RMST: variants seen among roughly 807,000 people sequenced by gnomAD.
RMST encodes rhabdomyosarcoma 2 associated transcript.
In RMST at chr12:97,513,092, G is replaced by A. The variant is rs888065963; in HGVS notation, n.1340+17036G>A. ...TCGCGCAGGCCCGCAAGCACCGCGC[G>A]CAGCCCGGGTTCCCACCTGCGCCTC... On this transcript the variant is annotated intron_variant and non_coding_transcript_variant, in intron 10 of 13. Transcript: ENST00000640149. 3.9e-5 allele frequency among the ~76,000 whole-genome samples: 6 copies of A among 152,204 alleles called. No homozygotes were observed. In the East Asian group the frequency reaches 9.6e-4, roughly 24 times the overall value.
chr12:97,560,353 A>G (rs1884032323), intron 11 of RMST, among the ~76,000 whole-genome samples: 1 of 152,198 alleles, frequency 6.6e-6, no homozygotes, highest in African/African-American at 2.4e-5. Flanking sequence ...GATTCTATTT[A>G]TCTGTAGCTT....
At position 97,524,075 on chromosome 12, in the gene RMST, CAAAAA is replaced by C. The variant is rs537840796; in HGVS notation, n.1341-6556_1341-6552del. ...TGGGCAACAGAGTGAGACTCTGTCT[CAAAAA>C]AAAAAAAAAAAAAAAAAAAAAAATC... On this transcript the variant is annotated intron_variant and non_coding_transcript_variant, in intron 10 of 13. Coordinates refer to ENST00000640149, the Ensembl canonical transcript of RMST. 3.6e-3 allele frequency among the ~76,000 whole-genome samples: 201 copies of C among 56,116 alleles called. 8 individuals carry two copies. The highest frequency in any genetic ancestry group is 0.011 in the East Asian group (23 of 2,106). 36.8% of individuals were successfully genotyped at this position (56,116 alleles called of 152,430 possible). A position where few individuals can be genotyped will look rare whatever the true frequency, so the allele number is the denominator to read the frequency against.
intron 11 of RMST, among the ~76,000 whole-genome samples, chr12:97,552,473 C>G (rs1443301675): frequency 6.6e-6 from 1 of 152,148 alleles, no homozygotes; most frequent in East Asian, 1.9e-4. Flanking sequence ...TATCATTTCT[C>G]CCTTGATTGG....
chr12:97,520,280 C>T (rs776631931), intron 10 of RMST, among the ~76,000 whole-genome samples: 3 of 152,106 alleles, frequency 2.0e-5, no homozygotes, highest in African/African-American at 2.4e-5. Flanking sequence ...ACAAGTGTCG[C>T]AGTGGGGCTT....
chr12:97,492,752 T>G (rs1225713912), intron 6 of RMST: 1 of 152,194 alleles, frequency 6.6e-6, no homozygotes, highest in African/African-American at 2.4e-5. Flanking sequence ...TAACCCATTC[T>G]CTCTCCTAGG....
At chr12:97,563,263 G>A (rs758235630) in intron 13 of RMST, 1 of 157,192 alleles carries the variant, frequency 6.4e-6, no homozygotes, top group East Asian at 1.9e-4. Flanking sequence ...TAGGTGAGCA[G>A]TTAGCACATA....
At chr12:97,483,287 T>C (rs1875663963) in intron 5 of RMST, 1 of 152,150 alleles carries the variant, frequency 6.6e-6, no homozygotes, top group Non-Finnish European at 1.5e-5. Context: ...GGTAAGCATG[T>C]ATAGATAGGT....
At chr12:97,478,722 A>C (rs183528750) in intron 5 of RMST, among the ~76,000 whole-genome samples, 6 of 152,334 alleles carry the variant, frequency 3.9e-5, no homozygotes, top group Non-Finnish European at 7.4e-5. Context: ...ACAGGGCTTA[A>C]ATAGGAGTTA....
intron 11 of RMST, among the ~76,000 whole-genome samples, chr12:97,550,180 T>C (rs542079683): frequency 1.3e-5 from 2 of 152,122 alleles, no homozygotes; most frequent in African/African-American, 4.8e-5. Flanking sequence ...TCACCTGAGG[T>C]CGGGAGTTCG....
At chr12:97,495,402 G>A (rs2136461186) in intron 9 of RMST, among the ~76,000 whole-genome samples, 1 of 152,162 alleles carries the variant, frequency 6.6e-6, no homozygotes, top group East Asian at 1.9e-4. Context: ...AAAAAGCAAT[G>A]GCGAGATGAT....
chr12:97,511,280 C>G (rs901230150), intron 10 of RMST, among the ~76,000 whole-genome samples: 1 of 151,948 alleles, frequency 6.6e-6, no homozygotes, highest in African/African-American at 2.4e-5. Flanking sequence ...TCCCAAGTAG[C>G]TGGGACTACA....
intron 4 of RMST, among the ~76,000 whole-genome samples, chr12:97,464,441 T>C (rs1158606570): frequency 6.6e-6 from 1 of 152,226 alleles, no homozygotes; most frequent in Non-Finnish European, 1.5e-5. Context: ...TGATATATTG[T>C]TATGTAAATA....
chr12:97,552,446 T>A (rs888105282), intron 11 of RMST, among the ~76,000 whole-genome samples: 2 of 152,238 alleles, frequency 1.3e-5, no homozygotes, highest in Non-Finnish European at 2.9e-5. Context: ...GATTCCTAGT[T>A]TACCTTGGAG....
At chr12:97,555,346 A>G (rs980902893) in intron 11 of RMST, among the ~76,000 whole-genome samples, 4 of 152,130 alleles carry the variant, frequency 2.6e-5, no homozygotes, top group Admixed American at 2.6e-4. Context: ...CCTTTCCTCC[A>G]TGGAAATGCC....
At chr12:97,469,765 G>A (rs951529760) in intron 5 of RMST, among the ~76,000 whole-genome samples, 1 of 152,022 alleles carries the variant, frequency 6.6e-6, no homozygotes, top group African/African-American at 2.4e-5. Flanking sequence ...GGATAGAACA[G>A]GCTTTAAAGC....
Position 97,495,754 on chromosome 12 carries a change from G to C in RMST, n.1215-177G>C, listed in dbSNP as rs1877346813. 1.6e-4 allele frequency among the ~76,000 whole-genome samples: 25 copies of C among 152,154 alleles called. No individual in the cohort carries two copies. In the South Asian group the frequency reaches 5.0e-3, roughly 30 times the overall value. On this transcript the variant is annotated intron_variant and non_coding_transcript_variant, in intron 9 of 13. Coordinates refer to ENST00000640149, the Ensembl canonical transcript of RMST. ...ATATCATGACTGTCTGAGGGGAAGTGGCAATTAAGGGAAGCATAATTATCT... is the reference window on the plus strand; with the variant it reads ...ATATCATGACTGTCTGAGGGGAAGTCGCAATTAAGGGAAGCATAATTATCT...
intron 11 of RMST, among the ~76,000 whole-genome samples, chr12:97,535,426 C>T (rs368201839): frequency 6.6e-6 from 1 of 151,756 alleles, no homozygotes; most frequent in African/African-American, 2.4e-5. Flanking sequence ...TTTCTGGAGC[C>T]ATCATTGACT....
At chr12:97,531,192 G>T (rs188354423) in intron 11 of RMST, among the ~76,000 whole-genome samples, 3 of 151,858 alleles carry the variant, frequency 2.0e-5, no homozygotes, top group Admixed American at 1.3e-4. Context: ...GATTTATTTT[G>T]CTCAACAATG....
At chr12:97,523,320 A>T (rs1262959815) in intron 10 of RMST, among the ~76,000 whole-genome samples, 1 of 152,218 alleles carries the variant, frequency 6.6e-6, no homozygotes, top group East Asian at 1.9e-4. Flanking sequence ...TGTAAATGTG[A>T]CCATTGTTTT....
Sources: gnomAD v4.1 joint callset for allele counts (sites outside exome capture counted in the v4.1 genomes callset) on GRCh38, gnomAD v4.1.1 for gene constraint, MANE v1.5 for transcripts, NCBI Gene and HGNC (gene_info 2026-07-23, HGNC 2026-07-21) for gene names.